The following LLGL1 variants were observed in gnomAD, a reference collection of about 807,000 sequenced individuals.
LLGL1 encodes the protein lethal(2) giant larvae protein homolog 1.
A neutral mutation model predicts 110.6 loss-of-function variants in LLGL1; 58 were observed. The ratio of observed to expected loss-of-function variants is 0.52; its 90% CI spans 0.42 to 0.65. The LOEUF is 0.65. LLGL1 is among the 30% of genes least tolerant of loss of function. The pLI, the probability that LLGL1 is intolerant of heterozygous loss-of-function variation, is 0.00. For synonymous variants in LLGL1, 674 were observed against 607.2 expected (o/e 1.11, Z -1.62); for missense variants, 1,229 against 1,462.1 (o/e 0.84, Z 2.60).
rs2047706713 is a variant in LLGL1 at position 18,236,886 on chromosome 17, G to A, written c.1558G>A (p.Val520Ile). ...CGATCCCCGGCTTGGCGTGCAGAAG[G>A]TTGCTCTCTGCAAGTATACAGCCCA... ...SDDPRLGVQKVALCKYTAQMV... is the reference protein window; with the variant it reads ...SDDPRLGVQKIALCKYTAQMV... Residue 520 changes from valine to isoleucine, a missense_variant, in exon 13 of 23, where the codon GTT becomes ATT. Physicochemically the swap from Val to Ile is conservative, Grantham distance 29. Coordinates refer to ENST00000316843, the MANE Select transcript of LLGL1 (RefSeq NM_004140.4). 2 of 1,613,762 alleles carry A rather than the reference G, an allele frequency of 1.2e-6. No individual in the cohort carries two copies. Among genetic ancestry groups the A allele is most frequent in the African/African-American group, 2.7e-5 (2 of 74,922 alleles).
Position 18,240,705 on chromosome 17 carries a change from G to T in LLGL1, c.2334G>T (p.Leu778=). Residue 778 remains leucine, a synonymous_variant, in exon 17 of 23, where the codon CTG becomes CTT. Coordinates refer to ENST00000316843, the MANE Select transcript of LLGL1 (RefSeq NM_004140.4). This position sits in a 1 kb window ranked among gnomAD's most constrained non-coding sequence, Gnocchi z 5.3. Reference sequence around the variant, plus strand: ...CTGAGCAAGCGGTGGAGGCCGTGCTGGGCAAGGAGGTGCAGCTGATGCACC... The same window carrying T: ...CTGAGCAAGCGGTGGAGGCCGTGCTTGGCAAGGAGGTGCAGCTGATGCACC... ...KRPEQAVEAV[L]GKEVQLMHRA... 1 of 1,612,960 alleles carries T rather than the reference G, an allele frequency of 6.2e-7. No homozygotes were observed. The highest frequency in any genetic ancestry group is 1.3e-5 in the African/African-American group (1 of 75,028).
chr17:18,240,489 G>C lies in LLGL1; in HGVS notation c.2207-89G>C. ...AGTTAGGAAGCAGGGCTACAAGAGA[G>C]GCAGGGAGGGACCTGCAGTCTGTGG... On this transcript the variant is annotated intron_variant, in intron 16 of 22. Coordinates refer to ENST00000316843, the MANE Select transcript of LLGL1 (RefSeq NM_004140.4). This position sits in a 1 kb window ranked among gnomAD's most constrained non-coding sequence, Gnocchi z 5.3. 3 of 1,409,366 alleles carry C rather than the reference G, an allele frequency of 2.1e-6. No individual in the cohort carries two copies. In the South Asian group the frequency reaches 4.3e-5, roughly 20 times the overall value. The allele number at this position is 1,409,366 out of a possible 1,614,324, so 87.3% of individuals were successfully genotyped here.
intron 14 of LLGL1, 44 bp downstream of exon 14, chr17:18,237,817 G>A: frequency 1.3e-6 from 2 of 1,565,258 alleles, no homozygotes; most frequent in East Asian, 2.3e-5. Flanking sequence ...CCCCCAGCGA[G>A]ATGGGGTCTG....
chr17:18,242,383 G>T, intron 20 of LLGL1, 105 bp downstream of exon 20: 1 of 1,540,404 alleles, frequency 6.5e-7, no homozygotes, highest in South Asian at 1.2e-5. Context: ...TGTAGGAGAT[G>T]GGTGGTTGTG....
Position 18,234,768 on chromosome 17 carries a change from C to T in LLGL1, c.905+65C>T. ...GGCTAGGGGGCTGGAAGGGTGGGCT[C>T]TCCCTAGGTTGTGCAGTATGTGCTC... On this transcript the variant is annotated intron_variant, in intron 8 of 22. Transcript: ENST00000316843. 7 of 1,613,674 alleles carry T rather than the reference C, an allele frequency of 4.3e-6. 1 individual carries two copies. Among genetic ancestry groups the T allele is most frequent in the Middle Eastern group, 3.3e-4 (2 of 6,062 alleles).
Position 18,225,714 on chromosome 17 carries a change from C to T in LLGL1, c.32C>T (p.Ala11Val), listed in dbSNP as rs2047421129. ...AAGTTTCGGTTCCGGCGGCAGGGCGCCGACCCGCAGCGCGAGAAGCTCAAG... is the reference window on the plus strand; with the variant it reads ...AAGTTTCGGTTCCGGCGGCAGGGCGTCGACCCGCAGCGCGAGAAGCTCAAG... MMKFRFRRQG[A>V]DPQREKLKQE... is the part of the protein sequence containing the mutation. Residue 11 changes from alanine to valine, a missense_variant, in exon 1 of 23, where the codon GCC (alanine) becomes GTC (valine). By Grantham distance (64) the Ala-to-Val change is moderately conservative. Coordinates refer to ENST00000316843, the MANE Select transcript of LLGL1 (RefSeq NM_004140.4). The T allele has an allele frequency of 1.9e-6, 2 of 1,060,130 alleles. No homozygotes were observed. The highest frequency in any genetic ancestry group is 2.3e-6 in the Non-Finnish European group (2 of 867,236). 65.7% of individuals were successfully genotyped at this position (1,060,130 alleles called of 1,614,324 possible).
chr17:18,241,847 A>G (rs373598409), intron 18 of LLGL1, 38 bp from the exon 19 acceptor site: 5 of 1,603,712 alleles, frequency 3.1e-6, no homozygotes, highest in South Asian at 1.1e-5. Flanking sequence ...GGTTGGTGGT[A>G]TCTTCTAACT....
At chr17:18,242,972 TG>T in intron 22 of LLGL1, 150 bp downstream of exon 22, 3 of 720,268 alleles carry the variant, frequency 4.2e-6, no homozygotes, top group Non-Finnish European at 6.7e-6. Flanking sequence ...TTCCATGGAG[TG>T]CCTCAATTGG....
Position 18,244,736 on chromosome 17 carries a change from A to AGGGGGGGGGGGGGGTGGGGG in LLGL1, c.*840_*841insGGGGTGGGGGGGGGGGGGGG, listed in dbSNP as rs1567700333. ...TGTGTGTCCGGCGGGGGGGGGGGGC[A>AGGGGGGGGGGGGGGTGGGGG]GGGGGGGGGGTCAAGATGAGTTTCC... On this transcript the variant is annotated 3_prime_UTR_variant, in exon 23 of 23. Coordinates refer to ENST00000316843, the MANE Select transcript of LLGL1 (RefSeq NM_004140.4). The AGGGGGGGGGGGGGGTGGGGG allele has an allele frequency of 9.8e-5, 1 of 10,212 alleles. No individual in the cohort carries two copies. The highest frequency in any genetic ancestry group is 1.9e-4 in the Non-Finnish European group (1 of 5,172). 0.6% of individuals were successfully genotyped at this position (10,212 alleles called of 1,614,324 possible). A position where few individuals can be genotyped will look rare whatever the true frequency, so the allele number is the denominator to read the frequency against.
chr17:18,241,325 C>A, intron 17 of LLGL1, 126 bp from the exon 18 acceptor site: 1 of 1,262,360 alleles, frequency 7.9e-7, no homozygotes, highest in Non-Finnish European at 1.1e-6. Flanking sequence ...TGTACAGGCA[C>A]GGGAGGCCAC....
In LLGL1 at chr17:18,233,816, T is replaced by C; in HGVS notation, c.431T>C (p.Leu144Pro). Residue 144 changes from leucine to proline, a missense_variant, in exon 5 of 23, where the codon CTG (leucine) becomes CCG (proline). Coordinates refer to ENST00000316843, the MANE Select transcript of LLGL1 (RefSeq NM_004140.4). ...CTTACCCGAGTCACAGTGGTCCTGC[T>C]GGTGGCTGCCAGCGACATAGCAGCC... ...LSLTRVTVVL[L>P]VAASDIAALG... 6.2e-7 allele frequency: 1 copy of C among 1,613,972 alleles called. No homozygotes were observed. Among genetic ancestry groups the C allele is most frequent in the Non-Finnish European group, 8.5e-7 (1 of 1,179,974 alleles).
At chr17:18,237,174 G>A in intron 13 of LLGL1, 2 of 597,990 alleles carry the variant, frequency 3.3e-6, no homozygotes, top group Non-Finnish European at 6.0e-6. Context: ...GCACTCACAT[G>A]ACATACAGGA....
At chr17:18,238,282 AC>A (rs35754280) in intron 15 of LLGL1, 68 bp downstream of exon 15, 4 of 1,597,620 alleles carry the variant, frequency 2.5e-6, no homozygotes, top group Non-Finnish European at 3.4e-6. Flanking sequence ...CTGGCCTGGG[AC>A]CCCTGGGGCC....
At position 18,240,065 on chromosome 17, in the gene LLGL1, G is replaced by A. The variant is rs938726979; in HGVS notation, c.2207-513G>A. Among the ~76,000 whole-genome samples, 2 of 152,096 alleles carry A rather than the reference G, an allele frequency of 1.3e-5. No homozygotes were observed. Among genetic ancestry groups the A allele is most frequent in the Non-Finnish European group, 2.9e-5 (2 of 67,992 alleles). ...CGTCCTAGGTGTCCCCAGGCTTGGC[G>A]GCTTCCTCTGGCTGCCACGTAGGGA... is the stretch of plus-strand genomic sequence containing the variant. On this transcript the variant is annotated intron_variant, in intron 16 of 22. Coordinates refer to ENST00000316843, the MANE Select transcript of LLGL1 (RefSeq NM_004140.4). This position sits in a 1 kb window ranked among gnomAD's most constrained non-coding sequence, Gnocchi z 5.3.
At position 18,234,783 on chromosome 17, in the gene LLGL1, A is replaced by T. The variant is rs908060667; in HGVS notation, c.906-56A>T. 3 of 1,613,714 alleles carry T rather than the reference A, an allele frequency of 1.9e-6. No individual in the cohort carries two copies. The Admixed American group carries it at 5.0e-5, about 27-fold the overall frequency. On this transcript the variant is annotated intron_variant, in intron 8 of 22. Coordinates refer to ENST00000316843, the MANE Select transcript of LLGL1 (RefSeq NM_004140.4). The stretch of plus-strand genomic sequence containing the variant: ...AGGGTGGGCTCTCCCTAGGTTGTGC[A>T]GTATGTGCTCTGGACCCAAGTGGTT...
chr17:18,236,580 T>C, intron 11 of LLGL1, 27 bp from the exon 12 acceptor site: 1 of 1,591,166 alleles, frequency 6.3e-7, no homozygotes, highest in South Asian at 1.1e-5. Context: ...GGAACTCGGG[T>C]AGCCCTGACA....
chr17:18,235,867 G>A (rs996387738), intron 11 of LLGL1: 12 of 323,644 alleles, frequency 3.7e-5, no homozygotes, highest in East Asian at 6.3e-5. Flanking sequence ...TGGGCCTGGC[G>A]GGCGCTGACG....
intron 2 of LLGL1, among the ~76,000 whole-genome samples, chr17:18,231,141 CTG>C (rs1288942369): frequency 6.6e-5 from 10 of 152,338 alleles, no homozygotes; most frequent in Admixed American, 2.6e-4. Context: ...GATGAGGAGA[CTG>C]AGCCTCAGAA....
rs772520170 is a variant in LLGL1 at position 18,229,973 on chromosome 17, C to T, written c.114C>T (p.Ser38=). The T allele has an allele frequency of 2.7e-5, 44 of 1,611,844 alleles. No individual in the cohort carries two copies. Among genetic ancestry groups the T allele is most frequent in the Admixed American group, 2.2e-4 (13 of 59,952 alleles). ...TVEHGFPNQP[S]ALAFDPELRI... is the part of the protein sequence containing the mutation. Reference sequence around the variant, plus strand: ...AGCATGGCTTCCCCAATCAGCCCAGCGCCCTGGCCTTCGACCCGGAACTTC... The same window carrying T: ...AGCATGGCTTCCCCAATCAGCCCAGTGCCCTGGCCTTCGACCCGGAACTTC... The change falls in exon 2 of 23, where the codon AGC becomes AGT. Residue 38 remains serine (S), a synonymous_variant. Coordinates refer to ENST00000316843, the MANE Select transcript of LLGL1 (RefSeq NM_004140.4).
Sources: gnomAD v4.1 joint callset for allele counts (sites outside exome capture counted in the v4.1 genomes callset) on GRCh38, gnomAD v4.1.1 for gene constraint, Gnocchi (gnomAD v3.1) non-coding constraint, MANE v1.5 for transcripts, NCBI Gene and HGNC (gene_info 2026-07-23, HGNC 2026-07-21) for gene names.